NID2: variants seen among roughly 807,000 people sequenced by gnomAD.
NID2 encodes nidogen-2.
A neutral mutation model predicts 145.4 loss-of-function variants in NID2; 83 were observed. That is an observed-to-expected ratio of 0.57 (90% CI 0.48 to 0.69). The LOEUF (loss-of-function observed/expected upper bound fraction) is 0.69, where lower values mean the gene tolerates loss of function less well. NID2 is among the 30% of genes least tolerant of loss of function. The pLI, the probability that NID2 is intolerant of heterozygous loss-of-function variation, is 0.00. For synonymous variants in NID2, 739 were observed against 701.3 expected (o/e 1.05, Z -0.85); for missense variants, 1,807 against 1,765.7 (o/e 1.02, Z -0.42).
chr14:52,005,356 A>C lies in NID2; in HGVS notation c.*130T>G, dbSNP rs548340836. On this transcript the variant is annotated 3_prime_UTR_variant, in exon 22 of 22. Transcript: ENST00000216286. ...CACAAAAGTCTTTTTGCACTACAAA[A>C]TGTTCATCTTGGATGCTCAGGAACG... The C allele has an allele frequency of 2.1e-5, 17 of 805,716 alleles. No homozygotes were observed. In the East Asian group the frequency reaches 4.4e-4, roughly 21 times the overall value. 49.9% of individuals were successfully genotyped at this position (805,716 alleles called of 1,614,324 possible).
intron 8 of NID2, among the ~76,000 whole-genome samples, chr14:52,039,353 A>T (rs1197308552): frequency 1.3e-5 from 2 of 152,210 alleles, no homozygotes; most frequent in African/African-American, 4.8e-5. Context: ...CAATGCTGCC[A>T]CATGGTAGAG....
chr14:52,039,807 A>T (rs1892210058), intron 8 of NID2, among the ~76,000 whole-genome samples: 1 of 152,258 alleles, frequency 6.6e-6, no homozygotes. Flanking sequence ...TCCATGTGAA[A>T]GATGAGAAAA....
chr14:52,023,457 A>AAAAT (rs1006352713), intron 12 of NID2, among the ~76,000 whole-genome samples: 29 of 152,022 alleles, frequency 1.9e-4, no homozygotes, highest in African/African-American at 6.5e-4. Context: ...CCTGCCTAAA[A>AAAAT]AAATAAATAA....
rs973180728 is a variant in NID2 at position 52,004,992 on chromosome 14, A to G, written c.*494T>C. On this transcript the variant is annotated 3_prime_UTR_variant, in exon 22 of 22. Coordinates refer to ENST00000216286, the MANE Select transcript of NID2 (RefSeq NM_007361.4). ...AATAGAAATGCACTGATGCAGAGGT[A>G]AAAAATCTTAGAACTTTTGTTGGGA... 6.4e-6 allele frequency: 1 copy of G among 157,066 alleles called. No homozygotes were observed. Among genetic ancestry groups the G allele is most frequent in the Non-Finnish European group, 1.4e-5 (1 of 71,314 alleles). 9.7% of individuals were successfully genotyped at this position (157,066 alleles called of 1,614,324 possible).
rs1185660319 is a variant in NID2, at chr14:52,042,289, C to A, written c.1641G>T (p.Val547=). The change falls in exon 7 of 22, where the codon GTG becomes GTT. Residue 547 remains valine (V), a synonymous_variant. Coordinates refer to ENST00000216286, the MANE Select transcript of NID2 (RefSeq NM_007361.4). ...CATGCAGGTCCACATCAGTGAAGTG[C>A]ACGGGTGTATGGCCCACGTGGAGGT... is the stretch of plus-strand genomic sequence containing the variant. ...SGHLHVGHTP[V]HFTDVDLHAY... The A allele has an allele frequency of 6.2e-7, 1 of 1,614,174 alleles. No homozygotes were observed.
At position 52,019,219 on chromosome 14, in the gene NID2, CG is replaced by C. The variant is rs1891318319; in HGVS notation, c.2869del (p.Arg957GlyfsTer145). 1 of 1,613,106 alleles carries C rather than the reference CG, an allele frequency of 6.2e-7. No homozygotes were observed. Among genetic ancestry groups the C allele is most frequent in the South Asian group, 1.1e-5 (1 of 91,048 alleles). On this transcript the variant is annotated frameshift_variant, in exon 14 of 22. Coordinates refer to ENST00000216286, the MANE Select transcript of NID2 (RefSeq NM_007361.4). LOFTEE classifies it high-confidence loss of function. ...CTCGTCGCATTGGGGGATGTGGAAC[CG>C]GGCCCCAGGGTAGGCATACTGGGCC... ...AQAQYAYPGARFHIPQCDEQG... is the reference protein window; with the variant it reads ...AQAQYAYPGAXFHIPQCDEQG...
Position 52,015,200 on chromosome 14 carries a change from C to CG in NID2, c.3103dup (p.Arg1035ProfsTer3). On this transcript the variant is annotated frameshift_variant, in exon 15 of 22. Coordinates refer to ENST00000216286, the MANE Select transcript of NID2 (RefSeq NM_007361.4). LOFTEE classifies it high-confidence loss of function. ...GCACTGGGGCACGTACTGGTCATCC[C>CG]GGGGGGTGCCACCGTAGTGCTCCAG... 1 of 1,613,910 alleles carries CG rather than the reference C, an allele frequency of 6.2e-7. No homozygotes were observed.
Position 52,005,416 on chromosome 14 carries a change from T to C in NID2, c.*70A>G. On this transcript the variant is annotated 3_prime_UTR_variant, in exon 22 of 22. Coordinates refer to ENST00000216286, the MANE Select transcript of NID2 (RefSeq NM_007361.4). ...CAATTCCTTTTTTACTTTCTTTGCC[T>C]TTGCAGTCACTGTTCTTTAGGGTCC... 4 of 1,432,806 alleles carry C rather than the reference T, an allele frequency of 2.8e-6. No individual in the cohort carries two copies. The highest frequency in any genetic ancestry group is 9.3e-7 in the Non-Finnish European group (1 of 1,071,192). 88.8% of individuals were successfully genotyped at this position (1,432,806 alleles called of 1,614,324 possible). A position where few individuals can be genotyped will look rare whatever the true frequency, so the allele number is the denominator to read the frequency against.
intron 18 of NID2, chr14:52,009,661 A>C (rs1890931441): frequency 6.6e-6 from 1 of 152,236 alleles, no homozygotes; most frequent in Non-Finnish European, 1.5e-5. Flanking sequence ...TTCATTGCCT[A>C]CAAGATGGCA....
chr14:52,014,319 T>C lies in NID2; in HGVS notation c.3388A>G (p.Lys1130Glu). 1 of 1,614,208 alleles carries C rather than the reference T, an allele frequency of 6.2e-7. No homozygotes were observed. The highest frequency in any genetic ancestry group is 8.5e-7 in the Non-Finnish European group (1 of 1,180,030). ...GACAGCAGGGTCTTAGCTGCATCCT[T>C]CTGAAGCCTGGTGCCATTGAGGGGT... Reference protein sequence around the residue: ...YLPLNGTRLQKDAAKTLLSLH... With the variant: ...YLPLNGTRLQEDAAKTLLSLH... The change falls in exon 16 of 22, where the codon AAG (lysine) becomes GAG (glutamate). Residue 1130 changes from lysine to glutamate, a missense_variant. Transcript: ENST00000216286.
intron 12 of NID2, among the ~76,000 whole-genome samples, chr14:52,026,881 C>A (rs1375410068): frequency 1.3e-5 from 2 of 152,178 alleles, no homozygotes; most frequent in Admixed American, 6.5e-5. Context: ...AAGGTGGAGA[C>A]CGCCTAACAG....
At chr14:52,040,318 A>T (rs1301267623) in intron 8 of NID2, among the ~76,000 whole-genome samples, 2 of 151,976 alleles carry the variant, frequency 1.3e-5, no homozygotes, top group South Asian at 4.1e-4. Flanking sequence ...TATAAATTCC[A>T]ATAATCACTA....
At chr14:52,040,590 A>G in intron 8 of NID2, 61 bp downstream of exon 8, 2 of 1,422,632 alleles carry the variant, frequency 1.4e-6, no homozygotes, top group African/African-American at 1.4e-5. Flanking sequence ...TAAGCCTTGT[A>G]TCTATCTTGT....
chr14:52,014,627 T>A (rs1272957828), intron 15 of NID2, among the ~76,000 whole-genome samples, 171 bp from the exon 16 acceptor site: 1 of 152,134 alleles, frequency 6.6e-6, no homozygotes, highest in African/African-American at 2.4e-5. Context: ...TAGGGTTTTT[T>A]TAAGGATCAA....
At chr14:52,005,902 A>AAGTC (rs3841693) in intron 20 of NID2, 53 bp from the exon 21 acceptor site, 3 of 1,314,856 alleles carry the variant, frequency 2.3e-6, no homozygotes, top group Non-Finnish European at 3.3e-6. Context: ...CTAGATAAAG[A>AAGTC]AGTCAGTCAG....
At chr14:52,059,093 C>T (rs548799837) in intron 3 of NID2, among the ~76,000 whole-genome samples, 9 of 152,320 alleles carry the variant, frequency 5.9e-5, no homozygotes, top group Non-Finnish European at 8.8e-5. Flanking sequence ...AGGCAATTTA[C>T]TTAACTTCCC....
intron 2 of NID2, among the ~76,000 whole-genome samples, chr14:52,066,148 A>C (rs1402087387): frequency 6.6e-6 from 1 of 152,118 alleles, no homozygotes; most frequent in African/African-American, 2.4e-5. Context: ...GGAATTTACA[A>C]ATCTCTTCTA....
chr14:52,053,838 C>G lies in NID2; in HGVS notation c.1170G>C (p.Glu390Asp). Residue 390 changes from glutamate to aspartate, a missense_variant, in exon 5 of 22, where the codon GAG (glutamate) becomes GAC (aspartate). Glu to Asp is a conservative substitution (Grantham distance 45, BLOSUM62 2). Coordinates refer to ENST00000216286, the MANE Select transcript of NID2 (RefSeq NM_007361.4). The part of the protein sequence containing the change: ...KGQVEPWDER[E>D]TRSPAPPEVD... Reference sequence around the variant, plus strand: ...CCTCTGGTGGAGCTGGGCTTCTGGTCTCTCTCTCATCCCAGGGCTCAACTT... The same window carrying G: ...CCTCTGGTGGAGCTGGGCTTCTGGTGTCTCTCTCATCCCAGGGCTCAACTT... 1.2e-6 allele frequency: 2 copies of G among 1,614,158 alleles called. No homozygotes were observed. Among genetic ancestry groups the G allele is most frequent in the Non-Finnish European group, 8.5e-7 (1 of 1,180,024 alleles).
At chr14:52,052,947 C>T (rs76346147) in intron 5 of NID2, among the ~76,000 whole-genome samples, 2,812 of 152,310 alleles carry the variant, frequency 0.018, 91 homozygotes, top group African/African-American at 0.065. Flanking sequence ...CATCTCCCTC[C>T]TCGCCTCTCA....
Sources: allele counts gnomAD v4.1 joint callset (sites outside exome capture counted in the v4.1 genomes callset), GRCh38; gene constraint gnomAD v4.1.1; transcripts MANE v1.5; gene names NCBI Gene and HGNC (gene_info 2026-07-23, HGNC 2026-07-21).